CHID1: variants seen among roughly 807,000 people sequenced by gnomAD.
The protein encoded by CHID1 is chitinase domain containing 1.
A neutral mutation model predicts 55.4 loss-of-function variants in CHID1; 44 were observed. That is an observed-to-expected ratio of 0.79 (90% CI 0.62 to 1.02). The LOEUF (loss-of-function observed/expected upper bound fraction) is 1.02. Ranked by LOEUF, CHID1 falls within the 50% of genes least tolerant of loss-of-function variation. CHID1 has a pLI of 0.00. For missense variants in CHID1, 491 were observed against 515.3 expected (o/e 0.95, Z 0.46); for synonymous variants, 216 against 212.9 (o/e 1.01, Z -0.13).
intron 10 of CHID1, chr11:870,770 G>A (rs988448108): frequency 1.9e-5 from 8 of 417,558 alleles, no homozygotes; most frequent in Non-Finnish European, 3.6e-5. Context: ...AGAGTGACAC[G>A]GGGCCTGAAA....
At chr11:903,941 A>C (rs1415386683) in intron 2 of CHID1, among the ~76,000 whole-genome samples, 2 of 97,670 alleles carry the variant, frequency 2.0e-5, no homozygotes, top group East Asian at 2.9e-4. Flanking sequence ...CACCACCCCC[A>C]CCAATGCAAC....
chr11:903,250 G>GT, intron 2 of CHID1, 139 bp from the exon 3 acceptor site: 1 of 828,876 alleles, frequency 1.2e-6, no homozygotes, highest in Non-Finnish European at 1.9e-6. Context: ...CGGAGACCCT[G>GT]TATGTTGAGG....
At chr11:870,255 C>A in intron 11 of CHID1, 92 bp from the exon 12 acceptor site, 1 of 1,552,934 alleles carries the variant, frequency 6.4e-7, no homozygotes, top group East Asian at 2.3e-5. Flanking sequence ...ACTCCTCCCA[C>A]CCACCAGGTG....
intron 10 of CHID1, chr11:882,915 T>G: frequency 2.1e-6 from 1 of 479,990 alleles, no homozygotes; most frequent in Non-Finnish European, 3.7e-6. Context: ...CTCACGCAGA[T>G]GTGGGGACAG....
chr11:912,057 G>C (rs556745341), upstream of CHID1, among the ~76,000 whole-genome samples: 5 of 152,228 alleles, frequency 3.3e-5, no homozygotes, highest in African/African-American at 1.2e-4. Context: ...TCGGGCAGCC[G>C]CCGCCTTTAA....
At chr11:888,871 G>A (rs1488484122) in intron 8 of CHID1, among the ~76,000 whole-genome samples, 1 of 152,110 alleles carries the variant, frequency 6.6e-6, no homozygotes, top group Non-Finnish European at 1.5e-5. Context: ...TGGACTCCGG[G>A]CCCACACCAA....
At chr11:903,252 A>G in intron 2 of CHID1, 141 bp from the exon 3 acceptor site, 1 of 816,582 alleles carries the variant, frequency 1.2e-6, no homozygotes, top group Non-Finnish European at 1.9e-6. Flanking sequence ...GAGACCCTGT[A>G]TGTTGAGGAT....
intron 7 of CHID1, among the ~76,000 whole-genome samples, chr11:897,434 C>T (rs991121927): frequency 1.3e-5 from 2 of 152,222 alleles, no homozygotes; most frequent in East Asian, 1.9e-4. Flanking sequence ...TGGAAGCAGG[C>T]GGGCTCTGTC....
In CHID1 at chr11:884,081, A is replaced by G. The variant is rs1190584151; in HGVS notation, c.790T>C (p.Ser264Pro). The G allele has an allele frequency of 1.2e-6, 2 of 1,613,708 alleles. No homozygotes were observed. The highest frequency in any genetic ancestry group is 1.3e-5 in the African/African-American group (1 of 74,908). ...GCCCACACTCACTGATGCGCTGTAG[A>G]GTAGTCGTAGGTCATGAGGCTGAAA... ...DGFSLMTYDY[S>P]TAHQPGPNAP... The change falls in exon 9 of 13, where the codon TCT becomes CCT. Residue 264 changes from serine (S) to proline (P), a missense_variant. Transcript: ENST00000323578.
chr11:914,095 T>C (rs538236298), upstream of CHID1, among the ~76,000 whole-genome samples: 52 of 151,436 alleles, frequency 3.4e-4, no homozygotes, highest in African/African-American at 1.2e-3. Flanking sequence ...GACTGTAAAG[T>C]CTTCTAGGCT....
At chr11:912,471 C>T (rs1160804272), upstream of CHID1, among the ~76,000 whole-genome samples, 1 of 152,194 alleles carries the variant, frequency 6.6e-6, no homozygotes, top group African/African-American at 2.4e-5. Context: ...CTGGGGGAGT[C>T]TTGTCAGTTG....
upstream of CHID1, among the ~76,000 whole-genome samples, chr11:912,118 T>G (rs1852730090): frequency 6.6e-6 from 1 of 152,050 alleles, no homozygotes; most frequent in East Asian, 1.9e-4. Flanking sequence ...GGTCAGGCGT[T>G]CGACACCAGC....
intron 8 of CHID1, among the ~76,000 whole-genome samples, chr11:885,869 T>G (rs1269265374): frequency 6.6e-6 from 1 of 151,946 alleles, no homozygotes; most frequent in Non-Finnish European, 1.5e-5. Flanking sequence ...AAAGGAAAAA[T>G]GGGCCGGGCG....
intron 2 of CHID1, among the ~76,000 whole-genome samples, chr11:904,095 C>T (rs1048393179): frequency 5.3e-5 from 8 of 152,250 alleles, no homozygotes; most frequent in Non-Finnish European, 1.0e-4. Flanking sequence ...CTCTGTGGCC[C>T]GGCTCAGCCT....
At chr11:874,073 C>T (rs929491236) in intron 10 of CHID1, among the ~76,000 whole-genome samples, 1 of 152,160 alleles carries the variant, frequency 6.6e-6, no homozygotes, top group African/African-American at 2.4e-5. Flanking sequence ...AGCTTGGAAA[C>T]TTTTGGAGAA....
intron 1 of CHID1, among the ~76,000 whole-genome samples, chr11:909,793 C>T (rs1852511663): frequency 6.6e-6 from 1 of 152,188 alleles, no homozygotes; most frequent in African/African-American, 2.4e-5. Context: ...GTTTTGGCAA[C>T]ACAGCCAGAC....
chr11:906,193 C>CG (rs1315270970), intron 1 of CHID1, among the ~76,000 whole-genome samples: 1 of 151,942 alleles, frequency 6.6e-6, no homozygotes, highest in Non-Finnish European at 1.5e-5. Context: ...CTCGGCCCCC[C>CG]CAAAGTGCTG....
chr11:885,363 G>A (rs1850312892), intron 8 of CHID1, among the ~76,000 whole-genome samples: 1 of 152,178 alleles, frequency 6.6e-6, no homozygotes, highest in Non-Finnish European at 1.5e-5. Context: ...CAGGACCAAG[G>A]TCTGGGCCTT....
intron 1 of CHID1, among the ~76,000 whole-genome samples, chr11:910,417 C>G (rs934678052): frequency 1.2e-4 from 18 of 152,194 alleles, no homozygotes; most frequent in Non-Finnish European, 2.4e-4. Flanking sequence ...CATCCCTTGT[C>G]TGCGCACTCA....
Sources: gnomAD v4.1 joint callset for allele counts (sites outside exome capture counted in the v4.1 genomes callset) on GRCh38, gnomAD v4.1.1 for gene constraint, MANE v1.5 for transcripts, NCBI Gene and HGNC (gene_info 2026-07-23, HGNC 2026-07-21) for gene names.